The following GON4L variants were observed in gnomAD, a reference collection of about 807,000 sequenced individuals.
GON4L encodes gon-4 like, also known as GON-4-like protein.
A neutral mutation model predicts 211.8 loss-of-function variants in GON4L; 87 were observed. The ratio of observed to expected loss-of-function variants is 0.41; its 90% confidence interval spans 0.35 to 0.49. The LOEUF (loss-of-function observed/expected upper bound fraction) is 0.49. Ranked by LOEUF, GON4L falls within the 20% of genes least tolerant of loss-of-function variation. The pLI is 0.15. For synonymous variants in GON4L, 875 were observed against 962.6 expected (o/e 0.91, Z 1.68); for missense variants, 2,155 against 2,659.5 (o/e 0.81, Z 4.17).
intron 2 of GON4L, among the ~76,000 whole-genome samples, chr1:155,837,647 CA>C (rs1402734171): frequency 6.6e-6 from 1 of 151,910 alleles, no homozygotes; most frequent in East Asian, 1.9e-4. Flanking sequence ...ACCAGAGAAA[CA>C]AAGGGAAAGG....
chr1:155,745,306 G>C (rs1467612335), downstream of GON4L, among the ~76,000 whole-genome samples: 1 of 152,208 alleles, frequency 6.6e-6, no homozygotes, highest in Non-Finnish European at 1.5e-5. Flanking sequence ...ACATGTAAAT[G>C]ATACAGATAT....
At chr1:155,802,501 T>C (rs1666770850) in intron 11 of GON4L, among the ~76,000 whole-genome samples, 2 of 152,144 alleles carry the variant, frequency 1.3e-5, no homozygotes, top group African/African-American at 4.8e-5. Context: ...CCTGTCACTG[T>C]TTTCAAAAAT....
Position 155,814,444 on chromosome 1 carries a change from T to C in GON4L, c.1167A>G (p.Leu389=). The change falls in exon 9 of 32, where the codon TTA becomes TTG. Residue 389 remains leucine, a synonymous_variant. Coordinates refer to ENST00000368331, the MANE Select transcript of GON4L (RefSeq NM_001282860.2). ...EEEDETAEES[L]LESDVESTAS... Reference sequence around the variant, plus strand: ...CAGTGCTTTCAACATCACTTTCCAATAAGCTCTACAAAATAAATCCAGTTC... The same window carrying C: ...CAGTGCTTTCAACATCACTTTCCAACAAGCTCTACAAAATAAATCCAGTTC... The C allele has an allele frequency of 6.2e-7, 1 of 1,613,812 alleles. No individual in the cohort carries two copies. The highest frequency in any genetic ancestry group is 1.1e-5 in the South Asian group (1 of 91,074).
At chr1:155,818,995 C>G (rs1668504440) in intron 6 of GON4L, among the ~76,000 whole-genome samples, 1 of 147,402 alleles carries the variant, frequency 6.8e-6, no homozygotes, top group Non-Finnish European at 1.5e-5. Context: ...GAGACTCCAT[C>G]TCAAAACAAA....
chr1:155,805,574 G>T (rs991210676), intron 10 of GON4L, among the ~76,000 whole-genome samples: 2 of 152,004 alleles, frequency 1.3e-5, no homozygotes, highest in African/African-American at 2.4e-5. Context: ...TGTCTCTATG[G>T]ATTTGTTTCT....
intron 3 of GON4L, among the ~76,000 whole-genome samples, chr1:155,823,286 C>A (rs1488376361): frequency 6.6e-6 from 1 of 151,934 alleles, no homozygotes; most frequent in African/African-American, 2.4e-5. Flanking sequence ...TCTCAATAAA[C>A]CTAATGAAAC....
intron 18 of GON4L, among the ~76,000 whole-genome samples, chr1:155,772,650 C>T (rs535633654): frequency 6.1e-4 from 92 of 151,998 alleles, no homozygotes; most frequent in Middle Eastern, 6.8e-3. Flanking sequence ...CTCAGCTGCT[C>T]CGTGGAGGCT....
chr1:155,814,443 A>G lies in GON4L; in HGVS notation c.1168T>C (p.Leu390=). The G allele has an allele frequency of 6.2e-7, 1 of 1,613,820 alleles. No homozygotes were observed. The highest frequency in any genetic ancestry group is 8.5e-7 in the Non-Finnish European group (1 of 1,179,794). Residue 390 remains leucine, a synonymous_variant, in exon 9 of 32, where the codon TTG becomes CTG. Coordinates refer to ENST00000368331, the MANE Select transcript of GON4L (RefSeq NM_001282860.2). Reference sequence around the variant, plus strand: ...GCAGTGCTTTCAACATCACTTTCCAATAAGCTCTACAAAATAAATCCAGTT... The same window carrying G: ...GCAGTGCTTTCAACATCACTTTCCAGTAAGCTCTACAAAATAAATCCAGTT... ...EEDETAEESL[L]ESDVESTASS... is the part of the protein sequence containing the mutation.
rs981773597 is a variant in GON4L, at chr1:155,815,735, T to C, written c.1161+70A>G. 68 of 879,934 alleles carry C rather than the reference T, an allele frequency of 7.7e-5. 1 individual carries two copies. In the South Asian group the frequency reaches 9.0e-4, roughly 12 times the overall value. 54.5% of individuals were successfully genotyped at this position (879,934 alleles called of 1,614,324 possible). ...ACCATGTCTCAATCCTCTCTACAAG[T>C]GACATTACTAAGGAAGCAAAGTATA... On this transcript the variant is annotated intron_variant, in intron 8 of 31. Transcript: ENST00000368331.
chr1:155,780,439 G>A (rs1664307815), intron 14 of GON4L, among the ~76,000 whole-genome samples: 1 of 151,692 alleles, frequency 6.6e-6, no homozygotes, highest in South Asian at 2.1e-4. Flanking sequence ...GAAAAAATAC[G>A]AAAATTAGCT....
intron 23 of GON4L, among the ~76,000 whole-genome samples, chr1:155,761,159 G>GGTTA (rs1661750916): frequency 6.6e-6 from 1 of 150,928 alleles, no homozygotes. Context: ...ACCAAGAAGT[G>GGTTA]GTTAGCTTAT....
chr1:155,820,730 C>T (rs1668653513), intron 5 of GON4L, 74 bp from the exon 6 acceptor site: 2 of 1,147,906 alleles, frequency 1.7e-6, no homozygotes, highest in Admixed American at 1.7e-5. Context: ...GCCTATAATC[C>T]TAGCACTTTA....
chr1:155,813,877 AAGAG>A (rs1425353690), intron 9 of GON4L, 73 bp from the exon 10 acceptor site: 2 of 1,289,366 alleles, frequency 1.6e-6, no homozygotes, highest in African/African-American at 1.5e-5. Context: ...AAAGGAAAAA[AAGAG>A]AGGGAAAAAG....
chr1:155,838,050 G>C (rs1165430411), intron 2 of GON4L, among the ~76,000 whole-genome samples: 4 of 152,118 alleles, frequency 2.6e-5, no homozygotes, highest in Non-Finnish European at 5.9e-5. Flanking sequence ...CTTGAGCCCA[G>C]GAGTTCAGGA....
chr1:155,848,419 C>A (rs887156710), intron 2 of GON4L, among the ~76,000 whole-genome samples: 3 of 152,130 alleles, frequency 2.0e-5, no homozygotes, highest in Non-Finnish European at 4.4e-5. Flanking sequence ...TCTTCTCTAC[C>A]CTTACTGCCA....
intron 4 of GON4L, among the ~76,000 whole-genome samples, chr1:155,821,823 G>A (rs1387142348): frequency 6.6e-6 from 1 of 152,154 alleles, no homozygotes; most frequent in Non-Finnish European, 1.5e-5. Flanking sequence ...GAGATCCTGA[G>A]GTAAGTAACT....
At chr1:155,844,453 T>A (rs1671048524) in intron 2 of GON4L, among the ~76,000 whole-genome samples, 3 of 152,112 alleles carry the variant, frequency 2.0e-5, no homozygotes, top group Admixed American at 2.0e-4. Flanking sequence ...TATATCTGGT[T>A]GACCATAAAA....
intron 27 of GON4L, among the ~76,000 whole-genome samples, chr1:155,756,232 A>G (rs1340341999): frequency 6.6e-6 from 1 of 152,222 alleles, no homozygotes. Context: ...TTGTAATACA[A>G]CTAAGTATTA....
intron 10 of GON4L, among the ~76,000 whole-genome samples, chr1:155,811,264 C>G (rs1040690405): frequency 2.7e-5 from 4 of 149,360 alleles, no homozygotes; most frequent in African/African-American, 9.9e-5. Flanking sequence ...ATGGTGCGGG[C>G]GCCTGTAGTC....
Sources: gnomAD v4.1 joint callset for allele counts (sites outside exome capture counted in the v4.1 genomes callset) on GRCh38, gnomAD v4.1.1 for gene constraint, MANE v1.5 for transcripts, NCBI Gene and HGNC (gene_info 2026-07-23, HGNC 2026-07-21) for gene names.